The following BMP2K variants were observed in gnomAD, a reference collection of about 807,000 sequenced individuals.
BMP2K encodes the protein BMP-2-inducible protein kinase.
Under a neutral mutation model 116.0 loss-of-function variants are expected in BMP2K, and 74 were observed. The ratio of observed to expected loss-of-function variants is 0.64; its 90% CI spans 0.53 to 0.77. BMP2K has a LOEUF of 0.77. Ranked by LOEUF, BMP2K falls within the 30% of genes least tolerant of loss-of-function variation. BMP2K has a pLI of 0.00. For missense variants in BMP2K, 1,365 were observed against 1,403.6 expected (o/e 0.97, Z 0.44); for synonymous variants, 486 against 502.5 (o/e 0.97, Z 0.44).
intron 7 of BMP2K, among the ~76,000 whole-genome samples, chr4:78,856,024 T>G (rs1419731941): frequency 6.6e-6 from 1 of 152,152 alleles, no homozygotes; most frequent in Non-Finnish European, 1.5e-5. Flanking sequence ...ACACATACAT[T>G]CCTTAATCCA....
intron 14 of BMP2K, among the ~76,000 whole-genome samples, chr4:78,882,512 T>C (rs2110070139): frequency 6.6e-6 from 1 of 151,968 alleles, no homozygotes; most frequent in Admixed American, 6.5e-5. Context: ...ACTTTAGCAA[T>C]TTGTCATAAT....
chr4:78,810,629 T>G (rs1227799606), intron 1 of BMP2K, among the ~76,000 whole-genome samples: 2 of 152,290 alleles, frequency 1.3e-5, no homozygotes, highest in East Asian at 3.9e-4. Context: ...AGTCTTGGGC[T>G]TTTTGGTGAG....
At chr4:78,853,275 A>G (rs1430568476) in intron 7 of BMP2K, among the ~76,000 whole-genome samples, 2 of 152,150 alleles carry the variant, frequency 1.3e-5, no homozygotes, top group African/African-American at 4.8e-5. Context: ...ATTTGAATAT[A>G]CTTTTCTTAT....
chr4:78,808,673 C>T (rs1274598068), intron 1 of BMP2K, among the ~76,000 whole-genome samples: 1 of 152,062 alleles, frequency 6.6e-6, no homozygotes, highest in Non-Finnish European at 1.5e-5. Flanking sequence ...TTTTGATTCA[C>T]CTGAAAGTAT....
intron 1 of BMP2K, among the ~76,000 whole-genome samples, chr4:78,790,524 T>G (rs1335929797): frequency 1.3e-5 from 2 of 152,172 alleles, no homozygotes; most frequent in African/African-American, 2.4e-5. Flanking sequence ...GAACATAAAA[T>G]GAAACTTGTC....
chr4:78,860,114 G>A (rs760950696), intron 8 of BMP2K: 1 of 503,164 alleles, frequency 2.0e-6, no homozygotes, highest in Non-Finnish European at 3.9e-6. Flanking sequence ...AAGAGCACAG[G>A]CCTTGTTAAG....
intron 1 of BMP2K, among the ~76,000 whole-genome samples, chr4:78,814,822 A>T (rs1000316979): frequency 6.6e-6 from 1 of 152,150 alleles, no homozygotes; most frequent in Non-Finnish European, 1.5e-5. Flanking sequence ...TTTAAAAAAA[A>T]TATAGTTTGC....
In BMP2K at chr4:78,911,623, C is replaced by T. The variant is rs780522133; in HGVS notation, c.3076C>T (p.Arg1026Cys). 1.9e-6 allele frequency: 3 copies of T among 1,613,818 alleles called. No individual in the cohort carries two copies. Among genetic ancestry groups the T allele is most frequent in the Non-Finnish European group, 2.5e-6 (3 of 1,179,868 alleles). The change falls in exon 16 of 16, where the codon CGC (arginine) becomes TGC (cysteine). Residue 1026 changes from arginine (R) to cysteine (C), a missense_variant. By Grantham distance (180) the Arg-to-Cys change is radical. Coordinates refer to ENST00000502613, the MANE Select transcript of BMP2K (RefSeq NM_198892.2). ...ERARRHKKVGRRDSQSSNEFL... is the reference protein window; with the variant it reads ...ERARRHKKVGCRDSQSSNEFL... ...GGCTCGCAGGCACAAAAAAGTGGGC[C>T]GCCGAGACTCTCAAAGTAGCAATGA...
At chr4:78,898,854 A>G (rs1349994016) in intron 15 of BMP2K, 1 of 152,168 alleles carries the variant, frequency 6.6e-6, no homozygotes, top group Non-Finnish European at 1.5e-5. Context: ...AGATTATTGC[A>G]GCTGGTGCAG....
chr4:78,848,393 T>TA (rs1240256487), intron 6 of BMP2K, among the ~76,000 whole-genome samples: 1 of 151,576 alleles, frequency 6.6e-6, no homozygotes, highest in Non-Finnish European at 1.5e-5. Flanking sequence ...AAGGTTATTA[T>TA]AATGTAGAAA....
chr4:78,898,328 T>A (rs748290304), intron 15 of BMP2K, among the ~76,000 whole-genome samples: 12 of 152,062 alleles, frequency 7.9e-5, no homozygotes, highest in Non-Finnish European at 1.6e-4. Context: ...TTACAGATTG[T>A]CAGTCCACTG....
chr4:78,908,521 T>G (rs1734400562), intron 15 of BMP2K, among the ~76,000 whole-genome samples: 1 of 152,304 alleles, frequency 6.6e-6, no homozygotes, highest in East Asian at 1.9e-4. Flanking sequence ...TTCTTCTATG[T>G]TTTCTTCCGA....
chr4:78,847,815 G>A (rs916206955), intron 6 of BMP2K, among the ~76,000 whole-genome samples: 1 of 151,586 alleles, frequency 6.6e-6, no homozygotes, highest in Non-Finnish European at 1.5e-5. Flanking sequence ...TTAGAATATA[G>A]ACATCTCTTT....
At chr4:78,789,325 T>C (rs1727892109) in intron 1 of BMP2K, among the ~76,000 whole-genome samples, 1 of 152,178 alleles carries the variant, frequency 6.6e-6, no homozygotes, top group Non-Finnish European at 1.5e-5. Flanking sequence ...GGCCTCTTTC[T>C]TTTATTTTTA....
At chr4:78,806,225 T>C (rs749116510) in intron 1 of BMP2K, among the ~76,000 whole-genome samples, 9 of 152,100 alleles carry the variant, frequency 5.9e-5, no homozygotes. Flanking sequence ...AGGATCTTAC[T>C]GTGTTGCCCA....
chr4:78,842,333 A>C, intron 3 of BMP2K, 52 bp from the exon 4 acceptor site: 1 of 1,486,374 alleles, frequency 6.7e-7, no homozygotes, highest in Non-Finnish European at 9.1e-7. Flanking sequence ...TTTGCTTGTG[A>C]TAGACTTTAT....
At chr4:78,843,070 G>T (rs1331696145) in intron 4 of BMP2K, among the ~76,000 whole-genome samples, 1 of 151,880 alleles carries the variant, frequency 6.6e-6, no homozygotes, top group Non-Finnish European at 1.5e-5. Context: ...GTACCCACTT[G>T]TTACATTGAA....
At chr4:78,798,333 T>C (rs566091843) in intron 1 of BMP2K, among the ~76,000 whole-genome samples, 1 of 152,338 alleles carries the variant, frequency 6.6e-6, no homozygotes, top group Non-Finnish European at 1.5e-5. Context: ...TGGAGATACC[T>C]GCTGGATGCC....
At chr4:78,827,924 A>G (rs993961600) in intron 2 of BMP2K, among the ~76,000 whole-genome samples, 2 of 152,240 alleles carry the variant, frequency 1.3e-5, no homozygotes, top group Non-Finnish European at 2.9e-5. Context: ...TTGTTGGTCA[A>G]TTAAGAGCTG....
Sources: gnomAD v4.1 joint callset for allele counts (sites outside exome capture counted in the v4.1 genomes callset) on GRCh38, gnomAD v4.1.1 for gene constraint, MANE v1.5 for transcripts, NCBI Gene and HGNC (gene_info 2026-07-23, HGNC 2026-07-21) for gene names.